Variants in ZNF160 observed in about 807,000 individuals in gnomAD.
ZNF160 encodes the protein zinc finger protein 160.
ZNF160 carries 9 observed loss-of-function variants against 13.1 expected under a neutral mutation model. The ratio of observed to expected loss-of-function variants is 0.69; its 90% confidence interval spans 0.41 to 1.20. The LOEUF is 1.20. ZNF160 is among the 50% of genes most tolerant of loss of function. ZNF160 has a pLI of 0.01. For synonymous variants in ZNF160, 293 were observed against 333.2 expected, an observed-to-expected ratio of 0.88 and a Z score of 1.31; for missense variants, 838 against 988.0, an observed-to-expected ratio of 0.85 and a Z score of 2.04.
In ZNF160 at chr19:53,086,364, T is replaced by C. The variant is rs376582975; in HGVS notation, c.-45-43A>G. 753 of 1,503,882 alleles carry C rather than the reference T, an allele frequency of 5.0e-4. 6 individuals are homozygous for C. The African/African-American group carries it at 9.3e-3, about 19-fold the overall frequency. The allele number at this position is 1,503,882 out of a possible 1,614,324, so 93.2% of individuals were successfully genotyped here. A position where few individuals can be genotyped will look rare whatever the true frequency, so the allele number is the denominator to read the frequency against. ...AGTCTTTAGAAGTCAATACTGAATA[T>C]CCAAAATATGCTGCTTAGGGCTGAG... On this transcript the variant is annotated intron_variant, in intron 2 of 5. Transcript: ENST00000683776.
chr19:53,092,372 G>A (rs530925735), intron 1 of ZNF160, among the ~76,000 whole-genome samples: 3 of 152,040 alleles, frequency 2.0e-5, no homozygotes, highest in Non-Finnish European at 2.9e-5. Context: ...GTGCAATGGC[G>A]CAATCTTGGC....
intron 1 of ZNF160, among the ~76,000 whole-genome samples, chr19:53,094,435 C>T (rs1388155753): frequency 1.3e-5 from 2 of 152,254 alleles, no homozygotes; most frequent in Non-Finnish European, 2.9e-5. Context: ...ATTAATTAAA[C>T]GGTTCTAATT....
At chr19:53,074,925 A>G in intron 4 of ZNF160, 132 bp downstream of exon 4, 1 of 1,216,742 alleles carries the variant, frequency 8.2e-7, no homozygotes, top group Non-Finnish European at 1.2e-6. Flanking sequence ...TCCCATGATT[A>G]AGCTTTCCAT....
chr19:53,101,352 T>C (rs569883945), intron 1 of ZNF160, among the ~76,000 whole-genome samples: 1 of 151,868 alleles, frequency 6.6e-6, no homozygotes, highest in Admixed American at 6.6e-5. Flanking sequence ...CAATATATGA[T>C]AAAGAGTAGA....
intron 3 of ZNF160, among the ~76,000 whole-genome samples, chr19:53,080,458 T>G (rs2084588493): frequency 6.6e-6 from 1 of 152,156 alleles, no homozygotes; most frequent in Non-Finnish European, 1.5e-5. Context: ...TCATCAAGAA[T>G]GCAATCCTAT....
At chr19:53,102,075 G>C (rs2085467040) in intron 1 of ZNF160, among the ~76,000 whole-genome samples, 1 of 151,862 alleles carries the variant, frequency 6.6e-6, no homozygotes, top group African/African-American at 2.4e-5. Flanking sequence ...CTAGGATTCT[G>C]ACGATGTTGT....
intron 1 of ZNF160, among the ~76,000 whole-genome samples, chr19:53,098,839 G>A (rs1033205735): frequency 1.4e-4 from 21 of 151,142 alleles, no homozygotes; most frequent in South Asian, 4.2e-4. Context: ...CGGTGGGGAC[G>A]CCTCGGCACT....
chr19:53,086,244 C>G lies in ZNF160; in HGVS notation c.15+18G>C. 6.3e-7 allele frequency: 1 copy of G among 1,581,290 alleles called. No homozygotes were observed. On this transcript the variant is annotated intron_variant, in intron 3 of 5. Coordinates refer to ENST00000683776, the MANE Select transcript of ZNF160 (RefSeq NM_001322131.2). Reference sequence around the variant, plus strand: ...CAGGAAGAAATAAAAGAACAATCCACCAGGAGTATCACTTTACCTGAGTAA... The same window carrying G: ...CAGGAAGAAATAAAAGAACAATCCAGCAGGAGTATCACTTTACCTGAGTAA...
intron 1 of ZNF160, among the ~76,000 whole-genome samples, chr19:53,092,010 C>T (rs2085053066): frequency 6.6e-6 from 1 of 152,202 alleles, no homozygotes; most frequent in Non-Finnish European, 1.5e-5. Context: ...CCATTCCACT[C>T]TTGAGATGAC....
Position 53,074,236 on chromosome 19 carries a change from T to C in ZNF160, c.175A>G (p.Met59Val). 2 of 1,614,000 alleles carry C rather than the reference T, an allele frequency of 1.2e-6. No homozygotes were observed. Among genetic ancestry groups the C allele is most frequent in the South Asian group, 2.2e-5 (2 of 91,080 alleles). The change falls in exon 5 of 6, where the codon ATG becomes GTG. Residue 59 changes from methionine (M) to valine (V), a missense_variant. By Grantham distance (21) the Met-to-Val change is conservative. Transcript: ENST00000683776. ...LCHFDMNIISMLEEGKEPWTV... is the reference protein window; with the variant it reads ...LCHFDMNIISVLEEGKEPWTV... The stretch of plus-strand genomic sequence containing the variant: ...CAGGGCTCTTTCCCTTCCTCCAACA[T>C]GGAGATAATATTCATATCAAAATGA...
intron 2 of ZNF160, among the ~76,000 whole-genome samples, chr19:53,090,313 A>G (rs1431826874): frequency 2.0e-5 from 3 of 151,136 alleles, no homozygotes; most frequent in Non-Finnish European, 4.4e-5. Flanking sequence ...GCTTTTCTCT[A>G]TATTTCTCCA....
chr19:53,100,681 T>C (rs2085413503), intron 1 of ZNF160, among the ~76,000 whole-genome samples: 1 of 148,978 alleles, frequency 6.7e-6, no homozygotes, highest in Non-Finnish European at 1.5e-5. Context: ...CTTTACCAAA[T>C]ACACATTCAT....
In ZNF160 at chr19:53,094,344, G is replaced by A. The variant is rs553153301; in HGVS notation, c.-353-2624C>T. On this transcript the variant is annotated intron_variant, in intron 1 of 5. Transcript: ENST00000683776. ...TAGAAATGGAAACGATGTTCCGATC[G>A]TTGTCACTATGAAACTGAACACAGC... Among the ~76,000 whole-genome samples, 10 of 152,186 alleles carry A rather than the reference G, an allele frequency of 6.6e-5. No homozygotes were observed. The South Asian group carries it at 1.9e-3, about 28-fold the overall frequency.
intron 3 of ZNF160, chr19:53,075,436 T>G: frequency 2.4e-6 from 1 of 416,460 alleles, no homozygotes; most frequent in Non-Finnish European, 4.4e-6. Context: ...AGCACCTAGG[T>G]AGCTTCAGGA....
At chr19:53,090,708 G>C (rs1414992043) in intron 2 of ZNF160, among the ~76,000 whole-genome samples, 1 of 152,152 alleles carries the variant, frequency 6.6e-6, no homozygotes, top group East Asian at 1.9e-4. Flanking sequence ...AAGATGGGAG[G>C]GTGTCTCAGG....
chr19:53,087,719 T>A (rs555294074), intron 2 of ZNF160, among the ~76,000 whole-genome samples: 3 of 152,134 alleles, frequency 2.0e-5, no homozygotes, highest in South Asian at 4.2e-4. Flanking sequence ...CCCGGCTAAT[T>A]TTTTGTATTT....
chr19:53,080,300 T>C (rs2084580008), intron 3 of ZNF160, among the ~76,000 whole-genome samples: 1 of 152,116 alleles, frequency 6.6e-6, no homozygotes, highest in Non-Finnish European at 1.5e-5. Flanking sequence ...GGTTTCTCCA[T>C]GTTGGTCAGG....
chr19:53,086,227 A>T, intron 3 of ZNF160, 35 bp downstream of exon 3: 1 of 1,565,376 alleles, frequency 6.4e-7, no homozygotes, highest in East Asian at 2.3e-5. Context: ...TTCAGGAAGA[A>T]ATAAAAGAAC....
chr19:53,103,404 A>C lies in ZNF160; in HGVS notation c.-493T>G, dbSNP rs1383376531. 5.3e-5 allele frequency: 8 copies of C among 152,278 alleles called. No individual in the cohort carries two copies. The highest frequency in any genetic ancestry group is 1.9e-4 in the African/African-American group (8 of 41,440). 9.4% of individuals were successfully genotyped at this position (152,278 alleles called of 1,614,324 possible). ...CGCCATGGTGTGATGCTTGCTCCGC[A>C]CGATCCACTTCCGGGTCTGTGGGCA... On this transcript the variant is annotated 5_prime_UTR_variant, in exon 1 of 6. Transcript: ENST00000683776.
Sources: gnomAD v4.1 joint callset for allele counts (sites outside exome capture counted in the v4.1 genomes callset) on GRCh38, gnomAD v4.1.1 for gene constraint, MANE v1.5 for transcripts, NCBI Gene and HGNC (gene_info 2026-07-23, HGNC 2026-07-21) for gene names.